The following PDE4B variants were observed in gnomAD, a reference collection of about 807,000 sequenced individuals.
The protein encoded by PDE4B is phosphodiesterase 4B.
Under a neutral mutation model 82.2 loss-of-function variants are expected in PDE4B, and 20 were observed. The ratio of observed to expected loss-of-function variants is 0.24; its 90% CI spans 0.17 to 0.35. The LOEUF is 0.35. Among genes scored for constraint, PDE4B ranks in the 10% least tolerant of loss-of-function variants. The pLI is 1.00. For missense variants in PDE4B, 655 were observed against 907.2 expected, an observed-to-expected ratio of 0.72 and a Z score of 3.57; for synonymous variants, 320 against 318.9, an observed-to-expected ratio of 1.00 and a Z score of -0.04.
intron 3 of PDE4B, among the ~76,000 whole-genome samples, chr1:66,151,932 G>A (rs1469713147): frequency 1.3e-5 from 2 of 152,124 alleles, no homozygotes; most frequent in Admixed American, 1.3e-4. Context: ...ATAGCACCTA[G>A]TGCAACACTG....
chr1:66,111,919 G>T (rs4004), intron 3 of PDE4B, among the ~76,000 whole-genome samples: 40,076 of 151,920 alleles, frequency 0.26, 6,249 homozygotes, highest in Middle Eastern at 0.36. Flanking sequence ...AATGGTACCA[G>T]GTTCTTTGGC....
chr1:65,989,094 TTTAA>T (rs1239238240), intron 3 of PDE4B, among the ~76,000 whole-genome samples: 3 of 152,338 alleles, frequency 2.0e-5, no homozygotes, highest in South Asian at 2.1e-4. Flanking sequence ...TAATGCATTA[TTTAA>T]TTGTTATTGA....
At chr1:66,016,643 G>C (rs1343816397) in intron 3 of PDE4B, among the ~76,000 whole-genome samples, 2 of 152,136 alleles carry the variant, frequency 1.3e-5, no homozygotes, top group Non-Finnish European at 2.9e-5. Context: ...GAAAGATAAG[G>C]AAATGTCTTA....
intron 3 of PDE4B, among the ~76,000 whole-genome samples, chr1:66,141,735 G>A (rs1034691918): frequency 6.6e-6 from 1 of 152,032 alleles, no homozygotes; most frequent in African/African-American, 2.4e-5. Flanking sequence ...CATTTTCCTG[G>A]ACAGTCTTCA....
Position 66,058,616 on chromosome 1 carries a change from C to T in PDE4B, c.281+139781C>T, listed in dbSNP as rs936374884. On this transcript the variant is annotated intron_variant, in intron 3 of 16. Transcript: ENST00000341517. ...GATGTCTGTGCACCTGCAGACCCAA[C>T]ACCATGTGGAAGCTACCAAGGCTTA... is the stretch of plus-strand genomic sequence containing the variant. Among the ~76,000 whole-genome samples, 5 of 152,216 alleles carry T rather than the reference C, an allele frequency of 3.3e-5. No individual in the cohort carries two copies. The South Asian group carries it at 8.3e-4, about 25-fold the overall frequency.
intron 3 of PDE4B, among the ~76,000 whole-genome samples, chr1:66,110,396 C>G (rs1645458877): frequency 6.6e-6 from 1 of 151,842 alleles, no homozygotes; most frequent in African/African-American, 2.4e-5. Flanking sequence ...GGTGTCCATC[C>G]TTGAAGAAAG....
chr1:65,850,255 C>T (rs1646316337), intron 1 of PDE4B, among the ~76,000 whole-genome samples: 1 of 151,800 alleles, frequency 6.6e-6, no homozygotes, highest in East Asian at 1.9e-4. Flanking sequence ...TGCCACCATG[C>T]CCAGCTAATT....
intron 3 of PDE4B, among the ~76,000 whole-genome samples, chr1:65,922,620 T>C (rs1414296581): frequency 6.6e-6 from 1 of 152,142 alleles, no homozygotes; most frequent in Non-Finnish European, 1.5e-5. Context: ...ATAGAAGGCC[T>C]ACCCCTACAA....
intron 1 of PDE4B, among the ~76,000 whole-genome samples, chr1:65,903,234 C>A (rs903036731): frequency 6.6e-6 from 1 of 152,180 alleles, no homozygotes; most frequent in Non-Finnish European, 1.5e-5. Flanking sequence ...GCTGCTAAGT[C>A]TCTTTGTCCT....
At chr1:66,118,975 A>G (rs1213727751) in intron 3 of PDE4B, among the ~76,000 whole-genome samples, 1 of 152,050 alleles carries the variant, frequency 6.6e-6, no homozygotes, top group Non-Finnish European at 1.5e-5. Flanking sequence ...ATCTCTTTTA[A>G]CATATCCCCT....
chr1:66,146,889 C>G (rs1420492415), intron 3 of PDE4B, among the ~76,000 whole-genome samples: 2 of 152,106 alleles, frequency 1.3e-5, no homozygotes, highest in Non-Finnish European at 2.9e-5. Flanking sequence ...GTTCCTATTG[C>G]ACACTAAAAA....
chr1:65,925,000 C>A (rs986722709), intron 3 of PDE4B, among the ~76,000 whole-genome samples: 1 of 152,136 alleles, frequency 6.6e-6, no homozygotes, highest in South Asian at 2.1e-4. Flanking sequence ...GGGGATTCTG[C>A]AAAGGAATAA....
chr1:65,983,012 C>T (rs2489918), intron 3 of PDE4B, among the ~76,000 whole-genome samples: 96,306 of 151,918 alleles, frequency 0.63, 30,619 homozygotes, highest in African/African-American at 0.65. Context: ...CTGGTGCCAC[C>T]CCATTCATGG....
chr1:66,190,603 G>C (rs535639474), intron 3 of PDE4B, among the ~76,000 whole-genome samples: 1 of 152,322 alleles, frequency 6.6e-6, no homozygotes, highest in African/African-American at 2.4e-5. Context: ...TGCTAGCAAT[G>C]AGTGAGGCTC....
intron 3 of PDE4B, among the ~76,000 whole-genome samples, chr1:65,977,092 CT>C (rs2100642240): frequency 6.6e-6 from 1 of 152,316 alleles, no homozygotes; most frequent in East Asian, 1.9e-4. Flanking sequence ...ACTTGATCTA[CT>C]AGTTATAATT....
rs1239858402 is a variant in PDE4B, at chr1:66,064,900, C to A, written c.281+146065C>A. Among the ~76,000 whole-genome samples, 4 of 151,972 alleles carry A rather than the reference C, an allele frequency of 2.6e-5. No homozygotes were observed. In the East Asian group the frequency reaches 5.8e-4, roughly 22 times the overall value. ...AGTTTCAGAAACTTTATAGTCTTTT[C>A]CCCTAAACTATATTATTGCTTTTCT... is the stretch of plus-strand genomic sequence containing the variant. On this transcript the variant is annotated intron_variant, in intron 3 of 16. Coordinates refer to ENST00000341517, the MANE Select transcript of PDE4B (RefSeq NM_002600.4).
chr1:65,810,212 C>G (rs2101195244), intron 1 of PDE4B, among the ~76,000 whole-genome samples: 1 of 152,324 alleles, frequency 6.6e-6, no homozygotes, highest in Non-Finnish European at 1.5e-5. Flanking sequence ...ACTTTCTGCT[C>G]TAGCAAAGGT....
chr1:66,354,674 G>T (rs190101321), intron 8 of PDE4B: 12 of 1,407,610 alleles, frequency 8.5e-6, no homozygotes, highest in Admixed American at 6.0e-5. Flanking sequence ...GCGAAGATGG[G>T]CTTTGTTTGG....
intron 3 of PDE4B, among the ~76,000 whole-genome samples, chr1:65,987,296 C>A (rs1046153803): frequency 3.9e-5 from 6 of 152,036 alleles, no homozygotes; most frequent in Admixed American, 3.9e-4. Flanking sequence ...TCTGAAGCAC[C>A]ATTTTCCTAA....
Sources: gnomAD v4.1 joint callset for allele counts (sites outside exome capture counted in the v4.1 genomes callset) on GRCh38, gnomAD v4.1.1 for gene constraint, MANE v1.5 for transcripts, NCBI Gene and HGNC (gene_info 2026-07-23, HGNC 2026-07-21) for gene names.